CDC40: variants seen among roughly 807,000 people sequenced by gnomAD.
CDC40 encodes the protein cell division cycle 40, also known as pre-mRNA-processing factor 17.
A neutral mutation model predicts 80.6 loss-of-function variants in CDC40; 27 were observed. The observed-to-expected ratio is 0.33, with a 90% CI of 0.25 to 0.46. CDC40 has a LOEUF of 0.46. Ranked by LOEUF, CDC40 falls within the 20% of genes least tolerant of loss-of-function variation. CDC40 has a pLI of 1.00. For missense variants in CDC40, 486 were observed against 694.1 expected (o/e 0.70, Z 3.37); for synonymous variants, 221 against 232.6 (o/e 0.95, Z 0.45).
At chr6:110,191,356 T>G (rs1411183971) in intron 1 of CDC40, among the ~76,000 whole-genome samples, 1 of 152,202 alleles carries the variant, frequency 6.6e-6, no homozygotes, top group Non-Finnish European at 1.5e-5. Context: ...ATCTTTGCAT[T>G]GTGTTAGGGG....
chr6:110,215,488 AAG>A (rs1441716621), intron 9 of CDC40, among the ~76,000 whole-genome samples, 157 bp downstream of exon 9: 5 of 152,332 alleles, frequency 3.3e-5, no homozygotes, highest in South Asian at 2.1e-4. Flanking sequence ...TAGACAAAGA[AAG>A]AGAACTAGGA....
intron 13 of CDC40, 110 bp downstream of exon 13, chr6:110,226,353 C>T (rs930265545): frequency 4.9e-6 from 3 of 612,296 alleles, no homozygotes; most frequent in Non-Finnish European, 8.6e-6. Flanking sequence ...TGTCACTGTG[C>T]CATTATTTGT....
At chr6:110,225,033 G>A (rs564841899) in intron 12 of CDC40, among the ~76,000 whole-genome samples, 4 of 152,156 alleles carry the variant, frequency 2.6e-5, no homozygotes, top group Non-Finnish European at 5.9e-5. Context: ...GAGGTATAAA[G>A]GGTTGGAGAT....
At chr6:110,189,664 T>TA (rs1777319466) in intron 1 of CDC40, among the ~76,000 whole-genome samples, 2 of 152,214 alleles carry the variant, frequency 1.3e-5, no homozygotes, top group Admixed American at 6.5e-5. Context: ...ACTGTACCTT[T>TA]ATCTGGTCCT....
rs756492087 is a variant in CDC40, at chr6:110,212,091, G to A, written c.728-42G>A. ...AAGAATGTTAGGTTTCATGACTATG[G>A]GTTGTATTTGTTTATTGATTTTCTT... is the stretch of plus-strand genomic sequence containing the variant. On this transcript the variant is annotated intron_variant, in intron 6 of 14. Transcript: ENST00000307731. 1.5e-5 allele frequency: 23 copies of A among 1,538,926 alleles called. No homozygotes were observed. The South Asian group carries it at 1.8e-4, about 12-fold the overall frequency.
intron 12 of CDC40, among the ~76,000 whole-genome samples, chr6:110,220,531 G>A (rs1458585889): frequency 6.0e-5 from 8 of 134,366 alleles, no homozygotes; most frequent in Admixed American, 3.5e-4. Context: ...TGCAAGCTCC[G>A]CCTCCCGGGT....
At chr6:110,222,785 T>G (rs77359976) in intron 12 of CDC40, among the ~76,000 whole-genome samples, 1 of 152,200 alleles carries the variant, frequency 6.6e-6, no homozygotes, top group East Asian at 1.9e-4. Flanking sequence ...TCATGCTTAC[T>G]GTCTGTTCCC....
chr6:110,221,462 A>G (rs558223330), intron 12 of CDC40, among the ~76,000 whole-genome samples: 112 of 152,324 alleles, frequency 7.4e-4, no homozygotes, highest in Non-Finnish European at 1.4e-3. Flanking sequence ...ACCCCTTCAG[A>G]TTATCCCCAA....
intron 13 of CDC40, among the ~76,000 whole-genome samples, chr6:110,227,846 C>A (rs1023711640): frequency 1.1e-4 from 17 of 152,174 alleles, no homozygotes; most frequent in African/African-American, 4.1e-4. Flanking sequence ...ACTTGAGCAT[C>A]TGTGAATTTT....
chr6:110,206,474 GA>G (rs1212517771), intron 3 of CDC40, among the ~76,000 whole-genome samples: 1 of 152,056 alleles, frequency 6.6e-6, no homozygotes, highest in Non-Finnish European at 1.5e-5. Context: ...ACCCATTTGA[GA>G]AAAAAACTGA....
chr6:110,198,223 G>A (rs1425744267), intron 2 of CDC40, among the ~76,000 whole-genome samples: 1 of 150,374 alleles, frequency 6.7e-6, no homozygotes, highest in East Asian at 1.9e-4. Flanking sequence ...TGTCACCCAG[G>A]CTGAAGTGCA....
At chr6:110,221,630 T>C (rs1038505643) in intron 12 of CDC40, among the ~76,000 whole-genome samples, 5 of 152,218 alleles carry the variant, frequency 3.3e-5, no homozygotes, top group Non-Finnish European at 7.3e-5. Flanking sequence ...TGGATGCATA[T>C]ACATGTTCTG....
At chr6:110,213,396 T>G (rs986296578) in intron 8 of CDC40, among the ~76,000 whole-genome samples, 17 of 134,152 alleles carry the variant, frequency 1.3e-4, no homozygotes, top group African/African-American at 3.6e-4. Flanking sequence ...TGTTTTTTTG[T>G]TTTTTTTTTT....
intron 1 of CDC40, among the ~76,000 whole-genome samples, chr6:110,192,891 C>T (rs374395997): frequency 2.0e-5 from 3 of 152,094 alleles, no homozygotes; most frequent in East Asian, 1.9e-4. Flanking sequence ...GAGTTAATAA[C>T]AAAGAAGAGT....
At chr6:110,215,075 G>C (rs539182061) in intron 8 of CDC40, among the ~76,000 whole-genome samples, 55 of 152,224 alleles carry the variant, frequency 3.6e-4, no homozygotes, top group African/African-American at 1.3e-3. Flanking sequence ...GAGCGTGTGT[G>C]ACTCTGTGTG....
At chr6:110,208,742 C>T (rs1049981661) in intron 4 of CDC40, among the ~76,000 whole-genome samples, 1 of 152,136 alleles carries the variant, frequency 6.6e-6, no homozygotes, top group African/African-American at 2.4e-5. Context: ...GAAAGTCGTA[C>T]AAATCCACTG....
intron 1 of CDC40, among the ~76,000 whole-genome samples, chr6:110,181,208 A>G (rs1226359974): frequency 1.3e-5 from 2 of 152,212 alleles, no homozygotes; most frequent in Admixed American, 1.3e-4. Context: ...TAAATGTTTT[A>G]TGATTGTGTG....
At chr6:110,210,319 G>A (rs1483911320) in intron 5 of CDC40, among the ~76,000 whole-genome samples, 1 of 151,822 alleles carries the variant, frequency 6.6e-6, no homozygotes, top group African/African-American at 2.4e-5. Context: ...GGAGGCCGAG[G>A]CGGGCGCATT....
At chr6:110,210,647 C>A in intron 5 of CDC40, 60 bp from the exon 6 acceptor site, 4 of 767,194 alleles carry the variant, frequency 5.2e-6, no homozygotes, top group Middle Eastern at 2.9e-4. Flanking sequence ...TTATAACCAA[C>A]TTTAGGTATA....
Sources: allele counts gnomAD v4.1 joint callset (sites outside exome capture counted in the v4.1 genomes callset), GRCh38; gene constraint gnomAD v4.1.1; transcripts MANE v1.5; gene names NCBI Gene and HGNC (gene_info 2026-07-23, HGNC 2026-07-21).